FHIT: variants seen among roughly 807,000 people sequenced by gnomAD.
FHIT encodes the protein fragile histidine triad diadenosine triphosphatase, also known as bis(5'-adenosyl)-triphosphatase.
FHIT carries 19 observed loss-of-function variants against 17.9 expected under a neutral mutation model. The observed-to-expected ratio is 1.06, with a 90% CI of 0.74 to 1.56. The LOEUF (loss-of-function observed/expected upper bound fraction) is 1.56, where lower values mean the gene tolerates loss of function less well. FHIT is among the 40% of genes most tolerant of loss of function. FHIT has a pLI of 0.00. For synonymous variants in FHIT, 81 were observed against 69.7 expected (o/e 1.16, Z -0.81); for missense variants, 248 against 189.2 (o/e 1.31, Z -1.82).
intron 4 of FHIT, among the ~76,000 whole-genome samples, chr3:60,560,834 C>G (rs1444459523): frequency 7.4e-6 from 1 of 135,278 alleles, no homozygotes; most frequent in African/African-American, 2.8e-5. Flanking sequence ...CACACACACA[C>G]ACACACACAC....
At chr3:59,805,331 C>T (rs1223987721) in intron 8 of FHIT, among the ~76,000 whole-genome samples, 1 of 152,146 alleles carries the variant, frequency 6.6e-6, no homozygotes, top group Non-Finnish European at 1.5e-5. Context: ...GAGTTCAGGA[C>T]ATGCTTCCCC....
At chr3:60,072,959 T>G (rs1049291514) in intron 5 of FHIT, among the ~76,000 whole-genome samples, 1 of 152,212 alleles carries the variant, frequency 6.6e-6, no homozygotes, top group Non-Finnish European at 1.5e-5. Context: ...AACAGATGAC[T>G]GCACTGTGTT....
intron 5 of FHIT, among the ~76,000 whole-genome samples, chr3:60,475,235 T>C (rs535425432): frequency 1.3e-5 from 2 of 152,190 alleles, no homozygotes; most frequent in South Asian, 2.1e-4. Flanking sequence ...TATCTTGAGA[T>C]GTCCATTGTA....
chr3:60,608,556 C>T (rs781975025), intron 4 of FHIT, among the ~76,000 whole-genome samples: 1 of 152,040 alleles, frequency 6.6e-6, no homozygotes, highest in Non-Finnish European at 1.5e-5. Flanking sequence ...CGAAAGTTGA[C>T]TTAGCTTTTA....
At chr3:60,639,729 T>C (rs2039678964) in intron 4 of FHIT, among the ~76,000 whole-genome samples, 1 of 152,160 alleles carries the variant, frequency 6.6e-6, no homozygotes, top group African/African-American at 2.4e-5. Flanking sequence ...GATTAAAAAT[T>C]TCCCAGATGA....
intron 4 of FHIT, among the ~76,000 whole-genome samples, chr3:60,594,565 C>T (rs1359905420): frequency 6.6e-6 from 1 of 152,062 alleles, no homozygotes; most frequent in Non-Finnish European, 1.5e-5. Context: ...CTCCAGCTTC[C>T]TGTGCCAACA....
At chr3:60,277,676 A>G (rs956616931) in intron 5 of FHIT, among the ~76,000 whole-genome samples, 1 of 152,110 alleles carries the variant, frequency 6.6e-6, no homozygotes, top group Admixed American at 6.5e-5. Context: ...AAGCCTGCCT[A>G]TAAACTCCAA....
chr3:60,526,009 GAGA>G (rs79405985), intron 5 of FHIT, among the ~76,000 whole-genome samples: 10,970 of 152,138 alleles, frequency 0.072, 816 homozygotes, highest in East Asian at 0.22. Context: ...AGGCTGAGGT[GAGA>G]AGATCACTTG....
At chr3:60,635,519 T>C (rs1426239307) in intron 4 of FHIT, among the ~76,000 whole-genome samples, 3 of 152,200 alleles carry the variant, frequency 2.0e-5, no homozygotes, top group East Asian at 1.9e-4. Flanking sequence ...TTTGTCTTCA[T>C]AGTTTTATAG....
chr3:60,045,640 C>G (rs537243241), intron 5 of FHIT, among the ~76,000 whole-genome samples: 1 of 152,304 alleles, frequency 6.6e-6, no homozygotes, highest in East Asian at 1.9e-4. Context: ...CCCCTTCCCT[C>G]TCTCCCTACC....
chr3:60,168,918 T>C (rs545539505), intron 5 of FHIT, among the ~76,000 whole-genome samples: 6 of 152,306 alleles, frequency 3.9e-5, no homozygotes, highest in African/African-American at 1.2e-4. Flanking sequence ...CCAGCAGATA[T>C]CAAACCTGAA....
At chr3:60,852,638 T>G (rs1174081576) in intron 3 of FHIT, among the ~76,000 whole-genome samples, 1 of 152,048 alleles carries the variant, frequency 6.6e-6, no homozygotes, top group Admixed American at 6.6e-5. Flanking sequence ...ACTTTGTATA[T>G]TATATTAAAA....
chr3:60,668,293 G>A (rs1472876298), intron 4 of FHIT, among the ~76,000 whole-genome samples: 3 of 149,742 alleles, frequency 2.0e-5, no homozygotes, highest in East Asian at 2.0e-4. Context: ...ATTATTTTTG[G>A]CGAGGCTTCC....
intron 4 of FHIT, among the ~76,000 whole-genome samples, chr3:60,796,849 CAA>C (rs1553730533): frequency 6.6e-6 from 1 of 152,112 alleles, no homozygotes; most frequent in Non-Finnish European, 1.5e-5. Flanking sequence ...CCCAGAGTAT[CAA>C]AGAGTTTTAA....
At chr3:61,040,721 G>A (rs1341146849) in intron 3 of FHIT, among the ~76,000 whole-genome samples, 3 of 152,188 alleles carry the variant, frequency 2.0e-5, no homozygotes, top group Non-Finnish European at 4.4e-5. Context: ...CATGAAGCAT[G>A]GGTATATGCT....
At chr3:60,561,031 A>C (rs181001) in intron 4 of FHIT, among the ~76,000 whole-genome samples, 73,217 of 151,722 alleles carry the variant, frequency 0.48, 17,824 homozygotes, top group Middle Eastern at 0.6. Context: ...GATACCCAAC[A>C]AACATCAGCT....
chr3:60,862,574 G>A (rs1167116519), intron 3 of FHIT, among the ~76,000 whole-genome samples: 2 of 152,140 alleles, frequency 1.3e-5, no homozygotes, highest in Non-Finnish European at 2.9e-5. Flanking sequence ...CCTGGGCCGG[G>A]CATGGTGGCT....
rs1255412260 is a variant in FHIT at position 59,756,228 on chromosome 3, A to AGAAG, written c.349-3911_349-3908dup. Among the ~76,000 whole-genome samples, 9 of 151,296 alleles carry AGAAG rather than the reference A, an allele frequency of 5.9e-5. No homozygotes were observed. The East Asian group carries it at 1.7e-3, about 29-fold the overall frequency. Reference sequence around the variant, plus strand: ...TTTTGGACCTAACTAACTACTTTGTAGAAGGATTAAAAGTTATGATCAGAA... The same window carrying AGAAG: ...TTTTGGACCTAACTAACTACTTTGTAGAAGGAAGGATTAAAAGTTATGATCAGAA... On this transcript the variant is annotated intron_variant, in intron 8 of 9. Transcript: ENST00000492590.
rs1000383757 is a variant in FHIT, at chr3:60,285,176, T to C, written c.103+251684A>G. On this transcript the variant is annotated intron_variant, in intron 5 of 9. Coordinates refer to ENST00000492590, the MANE Select transcript of FHIT (RefSeq NM_002012.4). ...TCATTAAAGACATATTAAATGTTGGTATATATTTATTCTGTATTTTTATTA... is the reference window on the plus strand; with the variant it reads ...TCATTAAAGACATATTAAATGTTGGCATATATTTATTCTGTATTTTTATTA... Among the ~76,000 whole-genome samples the C allele has an allele frequency of 1.2e-4, 18 of 152,242 alleles. No individual in the cohort carries two copies. The East Asian group carries it at 3.5e-3, about 29-fold the overall frequency.
Sources: allele counts gnomAD v4.1 joint callset (sites outside exome capture counted in the v4.1 genomes callset), GRCh38; gene constraint gnomAD v4.1.1; transcripts MANE v1.5; gene names NCBI Gene and HGNC (gene_info 2026-07-23, HGNC 2026-07-21).